The following AGBL3 variants were observed in gnomAD, a reference collection of about 807,000 sequenced individuals.
AGBL3 encodes the protein AGBL carboxypeptidase 3, also known as cytosolic carboxypeptidase 3.
AGBL3 carries 68 observed loss-of-function variants against 94.5 expected under a neutral mutation model. The ratio of observed to expected loss-of-function variants is 0.72; its 90% CI spans 0.59 to 0.88. The LOEUF (loss-of-function observed/expected upper bound fraction) is 0.88. AGBL3 is among the 40% of genes least tolerant of loss of function. AGBL3 has a pLI of 0.00. For synonymous variants in AGBL3, 354 were observed against 370.7 expected, an observed-to-expected ratio of 0.95 and a Z score of 0.52; for missense variants, 934 against 1,103.8, an observed-to-expected ratio of 0.85 and a Z score of 2.18.
intron 15 of AGBL3, among the ~76,000 whole-genome samples, chr7:135,097,185 G>T (rs551360138): frequency 6.6e-6 from 1 of 152,062 alleles, no homozygotes; most frequent in Non-Finnish European, 1.5e-5. Context: ...TGGTTCAAAG[G>T]TTACGACTAA....
intron 4 of AGBL3, among the ~76,000 whole-genome samples, chr7:135,015,864 AAAG>A (rs1193942529): frequency 0.037 from 1,838 of 49,716 alleles, 53 homozygotes; most frequent in East Asian, 0.16. Flanking sequence ...AATACAAAAA[AAAG>A]AAAAAAAAAA....
At chr7:135,065,066 C>T (rs1168090952) in intron 12 of AGBL3, among the ~76,000 whole-genome samples, 7 of 152,142 alleles carry the variant, frequency 4.6e-5, no homozygotes, top group Non-Finnish European at 4.4e-5. Flanking sequence ...CCTCACTATA[C>T]TAAGTCTGGT....
At chr7:135,114,349 C>T (rs1826026964) in intron 15 of AGBL3, among the ~76,000 whole-genome samples, 2 of 152,132 alleles carry the variant, frequency 1.3e-5, no homozygotes, top group African/African-American at 2.4e-5. Flanking sequence ...TAAATCCTTG[C>T]CAGCACTTGT....
intron 12 of AGBL3, among the ~76,000 whole-genome samples, chr7:135,062,346 C>T (rs565284340): frequency 2.0e-5 from 3 of 152,046 alleles, no homozygotes; most frequent in African/African-American, 7.2e-5. Flanking sequence ...GACAATTTAA[C>T]TTCTTCCTTT....
chr7:135,028,485 T>C (rs927014818), intron 5 of AGBL3, among the ~76,000 whole-genome samples: 1 of 152,226 alleles, frequency 6.6e-6, no homozygotes, highest in East Asian at 1.9e-4. Context: ...AGCAACTCTT[T>C]ATCCAATTCA....
At chr7:134,987,821 A>G in intron 1 of AGBL3, 54 bp from the exon 2 acceptor site, 4 of 714,804 alleles carry the variant, frequency 5.6e-6, no homozygotes, top group African/African-American at 1.8e-5. Context: ...GTACTCATTT[A>G]ATGTAGTAAA....
chr7:135,061,379 T>G (rs1431858311), intron 12 of AGBL3, among the ~76,000 whole-genome samples: 1 of 152,120 alleles, frequency 6.6e-6, no homozygotes. Context: ...TACAAAGGCT[T>G]TTTAGTTTGA....
chr7:135,000,643 C>T (rs759591263), intron 4 of AGBL3, among the ~76,000 whole-genome samples: 6 of 152,218 alleles, frequency 3.9e-5, no homozygotes, highest in Non-Finnish European at 7.3e-5. Context: ...AATAAATACA[C>T]ACACACTACT....
At chr7:135,001,305 GCTTGTTC>G (rs1426147700) in intron 4 of AGBL3, among the ~76,000 whole-genome samples, 2 of 152,118 alleles carry the variant, frequency 1.3e-5, no homozygotes, top group African/African-American at 2.4e-5. Flanking sequence ...TCCCAGAAAA[GCTTGTTC>G]TCCACCCCCT....
At chr7:134,995,354 C>T (rs1196363415) in intron 4 of AGBL3, 1 of 152,268 alleles carries the variant, frequency 6.6e-6, no homozygotes, top group Non-Finnish European at 1.5e-5. Context: ...AACTAGAAAA[C>T]CCTTCTGTCA....
intron 5 of AGBL3, among the ~76,000 whole-genome samples, chr7:135,022,476 T>G (rs1420774747): frequency 1.3e-5 from 2 of 152,224 alleles, no homozygotes; most frequent in African/African-American, 4.8e-5. Context: ...TTGAGAAATG[T>G]CTGTTCATAT....
chr7:135,115,465 A>T lies in AGBL3; in HGVS notation c.2196A>T (p.Glu732Asp), dbSNP rs1487070783. ...KKTGINWTDD[E>D]KRSYKDKGIV... ...CTGGCATAAATTGGACAGATGATGA[A>T]AAAAGAAGCTACAAGGATAAAGGAA... is the stretch of plus-strand genomic sequence containing the variant. Residue 732 changes from glutamate to aspartate, a missense_variant, in exon 16 of 17, where the codon GAA (glutamate) becomes GAT (aspartate). Physicochemically the swap from Glu to Asp is conservative, Grantham distance 45. Coordinates refer to ENST00000436302, the MANE Select transcript of AGBL3 (RefSeq NM_178563.4). 2 of 1,551,462 alleles carry T rather than the reference A, an allele frequency of 1.3e-6. No individual in the cohort carries two copies. The highest frequency in any genetic ancestry group is 1.7e-6 in the Non-Finnish European group (2 of 1,146,814).
chr7:135,087,173 G>A (rs921097144), intron 15 of AGBL3, among the ~76,000 whole-genome samples: 17 of 151,606 alleles, frequency 1.1e-4, no homozygotes, highest in African/African-American at 3.9e-4. Flanking sequence ...TTGTATTTCC[G>A]TGTTATCAGT....
chr7:135,126,405 A>G (rs1262811520), intron 16 of AGBL3, among the ~76,000 whole-genome samples: 2 of 152,228 alleles, frequency 1.3e-5, no homozygotes, highest in South Asian at 2.1e-4. Flanking sequence ...AAACAAGCGG[A>G]AAAACATTCC....
chr7:135,128,524 G>A (rs1828274084), intron 16 of AGBL3: 5 of 763,302 alleles, frequency 6.6e-6, no homozygotes, highest in Non-Finnish European at 1.2e-5. Context: ...TAGAAAAGCA[G>A]TCTGTCCAAG....
chr7:135,063,415 T>C (rs1305769675), intron 12 of AGBL3, among the ~76,000 whole-genome samples: 2 of 152,172 alleles, frequency 1.3e-5, no homozygotes, highest in African/African-American at 4.8e-5. Context: ...TCCTAGTTCC[T>C]TGAAGTGTAA....
chr7:135,037,310 A>G, intron 7 of AGBL3, 108 bp from the exon 8 acceptor site: 1 of 889,956 alleles, frequency 1.1e-6, no homozygotes, highest in South Asian at 2.6e-5. Context: ...GAAAGCTAGG[A>G]TATAAGAAAT....
chr7:135,112,753 C>T (rs1825815382), intron 15 of AGBL3, among the ~76,000 whole-genome samples: 2 of 152,152 alleles, frequency 1.3e-5, no homozygotes, highest in South Asian at 2.1e-4. Context: ...GTGCCAGATA[C>T]ATAATAAGCA....
chr7:134,992,341 A>G (rs1810400828), intron 3 of AGBL3, among the ~76,000 whole-genome samples: 2 of 152,336 alleles, frequency 1.3e-5, no homozygotes, highest in Admixed American at 6.5e-5. Context: ...ACCTCTTCAG[A>G]GAAATCTTGC....
Sources: allele counts gnomAD v4.1 joint callset (sites outside exome capture counted in the v4.1 genomes callset), GRCh38; gene constraint gnomAD v4.1.1; transcripts MANE v1.5; gene names NCBI Gene and HGNC (gene_info 2026-07-23, HGNC 2026-07-21).